The following TULP4 variants were observed in gnomAD, a reference collection of about 807,000 sequenced individuals.
The protein encoded by TULP4 is tubby-related protein 4.
TULP4 carries 16 observed loss-of-function variants against 129.0 expected under a neutral mutation model. The observed-to-expected ratio is 0.12, with a 90% CI of 0.08 to 0.19. The LOEUF is 0.19. TULP4 is among the 10% of genes least tolerant of loss of function. TULP4 has a pLI of 1.00. For synonymous variants in TULP4, 998 were observed against 854.0 expected (o/e 1.17, Z -2.94); for missense variants, 1,842 against 2,059.1 (o/e 0.89, Z 2.04).
At chr6:158,296,100 T>C (rs1435140402) in intron 1 of TULP4, among the ~76,000 whole-genome samples, 1 of 152,244 alleles carries the variant, frequency 6.6e-6, no homozygotes, top group African/African-American at 2.4e-5. Context: ...ATTCATATTA[T>C]AGGTATTCTT....
At chr6:158,451,213 A>AG (rs796751488) in intron 4 of TULP4, among the ~76,000 whole-genome samples, 6 of 147,246 alleles carry the variant, frequency 4.1e-5, no homozygotes, top group Admixed American at 6.6e-5. Flanking sequence ...TCTCAGAAGC[A>AG]GGGGGGGCAG....
intron 6 of TULP4, among the ~76,000 whole-genome samples, chr6:158,466,210 AGTTTTTAAG>A (rs1486275452): frequency 6.6e-6 from 1 of 152,208 alleles, no homozygotes; most frequent in East Asian, 1.9e-4. Context: ...CTGGGAATTC[AGTTTTTAAG>A]GTTTTTCTGG....
At chr6:158,236,868 C>CAGT (rs1339526842) in intron 1 of TULP4, among the ~76,000 whole-genome samples, 1 of 130,422 alleles carries the variant, frequency 7.7e-6, no homozygotes, top group Non-Finnish European at 1.6e-5. Context: ...GGCTGGAGTG[C>CAGT]AGTGGCCCCA....
At chr6:158,355,318 T>G (rs964614120) in intron 1 of TULP4, among the ~76,000 whole-genome samples, 1 of 152,160 alleles carries the variant, frequency 6.6e-6, no homozygotes, top group Non-Finnish European at 1.5e-5. Flanking sequence ...ACTCCTAGCC[T>G]TAAGTGATCC....
At chr6:158,237,175 G>C (rs780206003) in intron 1 of TULP4, among the ~76,000 whole-genome samples, 13 of 152,062 alleles carry the variant, frequency 8.5e-5, no homozygotes, top group Non-Finnish European at 1.6e-4. Context: ...TCACTAGGCA[G>C]ACTTTGAGGA....
intron 3 of TULP4, among the ~76,000 whole-genome samples, chr6:158,444,525 T>C (rs1227662873): frequency 6.6e-6 from 1 of 152,132 alleles, no homozygotes; most frequent in East Asian, 1.9e-4. Context: ...GAGTGAACAT[T>C]TTTGGAAGCA....
At chr6:158,480,094 A>G (rs1185902327) in intron 7 of TULP4, 119 bp downstream of exon 7, 1 of 766,504 alleles carries the variant, frequency 1.3e-6, no homozygotes, top group East Asian at 2.7e-5. Flanking sequence ...GCAGCTGTGC[A>G]GGATCCTGTC....
At chr6:158,449,803 G>A (rs1779127875) in intron 4 of TULP4, among the ~76,000 whole-genome samples, 1 of 151,980 alleles carries the variant, frequency 6.6e-6, no homozygotes. Flanking sequence ...ACCTCTAGCA[G>A]GTCCCCAGAA....
At chr6:158,439,266 C>G (rs1583876518) in intron 3 of TULP4, among the ~76,000 whole-genome samples, 2 of 152,018 alleles carry the variant, frequency 1.3e-5, no homozygotes, top group South Asian at 4.1e-4. Context: ...AGTCAAACTT[C>G]CCAAAAGCAA....
At chr6:158,456,052 C>G (rs1429999364) in intron 5 of TULP4, among the ~76,000 whole-genome samples, 1 of 152,120 alleles carries the variant, frequency 6.6e-6, no homozygotes. Flanking sequence ...GGTGGGTAGG[C>G]AATCATGATT....
chr6:158,327,342 A>G (rs1779766757), intron 1 of TULP4, among the ~76,000 whole-genome samples: 1 of 152,192 alleles, frequency 6.6e-6, no homozygotes, highest in Non-Finnish European at 1.5e-5. Context: ...TTTGGTGGAA[A>G]CGATGCTCTT....
chr6:158,447,753 A>G (rs1447531490), intron 3 of TULP4, among the ~76,000 whole-genome samples: 2 of 152,200 alleles, frequency 1.3e-5, no homozygotes, highest in Admixed American at 1.3e-4. Flanking sequence ...GGTAAATTCT[A>G]GCCTTTCTAG....
At chr6:158,391,965 A>T (rs183858940) in intron 1 of TULP4, among the ~76,000 whole-genome samples, 185 of 152,318 alleles carry the variant, frequency 1.2e-3, no homozygotes, top group Admixed American at 3.0e-3. Context: ...GTTAAATGTT[A>T]TGAAGTATAT....
At chr6:158,447,425 T>C (rs915338009) in intron 3 of TULP4, among the ~76,000 whole-genome samples, 4 of 152,242 alleles carry the variant, frequency 2.6e-5, no homozygotes, top group Non-Finnish European at 5.9e-5. Context: ...TAGCCTTTTT[T>C]AGTATTCATT....
intron 1 of TULP4, among the ~76,000 whole-genome samples, chr6:158,271,190 T>C (rs1474532323): frequency 6.6e-6 from 1 of 151,810 alleles, no homozygotes; most frequent in Non-Finnish European, 1.5e-5. Context: ...TGAGTTTATT[T>C]AATATAAGCA....
At chr6:158,309,179 T>C (rs184139499), upstream of TULP4, among the ~76,000 whole-genome samples, 3,136 of 13,854 alleles carry the variant, frequency 0.23, 906 homozygotes, top group South Asian at 0.48. Context: ...TCAGATGGGG[T>C]GGTTGCCAGG....
At chr6:158,252,638 T>C (rs1247026899) in intron 1 of TULP4, among the ~76,000 whole-genome samples, 2 of 152,232 alleles carry the variant, frequency 1.3e-5, no homozygotes, top group Non-Finnish European at 2.9e-5. Flanking sequence ...CCTCCCAAAG[T>C]GCTGGGATTA....
chr6:158,433,994 T>A (rs1390090535), intron 3 of TULP4, among the ~76,000 whole-genome samples: 1 of 152,182 alleles, frequency 6.6e-6, no homozygotes, highest in Non-Finnish European at 1.5e-5. Flanking sequence ...CAGGTCTCAT[T>A]TCTCCTGAGG....
intron 1 of TULP4, among the ~76,000 whole-genome samples, chr6:158,328,769 G>C (rs1779805939): frequency 2.7e-5 from 1 of 37,576 alleles, no homozygotes; most frequent in African/African-American, 5.8e-5. Context: ...AGGCATTCTA[G>C]ACTCATCTTG....
Sources: gnomAD v4.1 joint callset for allele counts (sites outside exome capture counted in the v4.1 genomes callset) on GRCh38, gnomAD v4.1.1 for gene constraint, MANE v1.5 for transcripts, NCBI Gene and HGNC (gene_info 2026-07-23, HGNC 2026-07-21) for gene names.